RAPH1: variants seen among roughly 807,000 people sequenced by gnomAD.
RAPH1 encodes the protein Ras association (RalGDS/AF-6) and pleckstrin homology domains 1.
Under a neutral mutation model 88.1 loss-of-function variants are expected in RAPH1, and 18 were observed. The ratio of observed to expected loss-of-function variants is 0.20; its 90% CI spans 0.14 to 0.30. RAPH1 has a LOEUF of 0.30. Ranked by LOEUF, RAPH1 falls within the 10% of genes least tolerant of loss-of-function variation. The pLI is 1.00. For missense variants in RAPH1, 1,448 were observed against 1,543.2 expected, an observed-to-expected ratio of 0.94 and a Z score of 1.03; for synonymous variants, 587 against 559.0, an observed-to-expected ratio of 1.05 and a Z score of -0.71.
intron 4 of RAPH1, among the ~76,000 whole-genome samples, chr2:203,472,584 T>C (rs971470738): frequency 1.3e-5 from 2 of 152,244 alleles, no homozygotes; most frequent in African/African-American, 2.4e-5. Context: ...ACATGTAACA[T>C]GTATTTCAAG....
chr2:203,451,470 A>C (rs1039736343), intron 10 of RAPH1, among the ~76,000 whole-genome samples: 6 of 152,154 alleles, frequency 3.9e-5, no homozygotes, highest in African/African-American at 1.4e-4. Context: ...TGCCTTATTA[A>C]AATGTGCCCC....
chr2:203,462,681 A>T (rs1428011225), intron 4 of RAPH1, among the ~76,000 whole-genome samples: 1 of 152,216 alleles, frequency 6.6e-6, no homozygotes, highest in Non-Finnish European at 1.5e-5. Flanking sequence ...GATTAAAAAG[A>T]GTAATAAAAA....
intron 1 of RAPH1, among the ~76,000 whole-genome samples, chr2:203,524,608 T>C (rs1690034389): frequency 6.6e-6 from 1 of 152,124 alleles, no homozygotes; most frequent in Non-Finnish European, 1.5e-5. Flanking sequence ...CAAGCCAGAC[T>C]TGGGTGGGTT....
chr2:203,505,289 G>T (rs982691285), intron 1 of RAPH1, among the ~76,000 whole-genome samples: 3 of 152,150 alleles, frequency 2.0e-5, no homozygotes, highest in Admixed American at 6.5e-5. Context: ...CAGAATCATG[G>T]TGGGAGGCAA....
In RAPH1 at chr2:203,524,343, A is replaced by G. The variant is rs1236431392; in HGVS notation, c.-1+10768T>C. On this transcript the variant is annotated intron_variant, in intron 1 of 13. Coordinates refer to ENST00000319170, the MANE Select transcript of RAPH1 (RefSeq NM_213589.3). The stretch of plus-strand genomic sequence containing the variant: ...TATGCTGTTGGATATAAAATGATAC[A>G]ACTTTGGAAAAATTTGCCCACTTTA... 2.6e-5 allele frequency among the ~76,000 whole-genome samples: 4 copies of G among 152,318 alleles called. No homozygotes were observed. The East Asian group carries it at 5.8e-4, about 22-fold the overall frequency.
chr2:203,439,997 G>A lies in RAPH1; in HGVS notation c.3193C>T (p.Pro1065Ser). ...GRGKDSVVEFPSPPSDSDFPP... is the reference protein window; with the variant it reads ...GRGKDSVVEFSSPPSDSDFPP... Reference sequence around the variant, plus strand: ...AAATCAGAATCGGATGGAGGAGAAGGAAATTCCACCACGGAGTCCTTTCCA... The same window carrying A: ...AAATCAGAATCGGATGGAGGAGAAGAAAATTCCACCACGGAGTCCTTTCCA... The change falls in exon 14 of 14, where the codon CCT becomes TCT. Residue 1065 changes from proline (P) to serine (S), a missense_variant. This residue lies in a region of RAPH1 where 935 missense variants were observed against 890.1 expected (regional missense o/e 1.05). Coordinates refer to ENST00000319170, the MANE Select transcript of RAPH1 (RefSeq NM_213589.3). 6.2e-7 allele frequency: 1 copy of A among 1,613,678 alleles called. No individual in the cohort carries two copies. Among genetic ancestry groups the A allele is most frequent in the Non-Finnish European group, 8.5e-7 (1 of 1,179,964 alleles).
chr2:203,470,417 T>G, intron 4 of RAPH1: 2 of 639,234 alleles, frequency 3.1e-6, no homozygotes, highest in Non-Finnish European at 5.3e-6. Flanking sequence ...AATGATTCTC[T>G]ATAATTAATC....
At position 203,439,655 on chromosome 2, in the gene RAPH1, T is replaced by G. The variant is rs2098501462; in HGVS notation, c.3535A>C (p.Thr1179Pro). 1 of 1,613,808 alleles carries G rather than the reference T, an allele frequency of 6.2e-7. No individual in the cohort carries two copies. The highest frequency in any genetic ancestry group is 8.5e-7 in the Non-Finnish European group (1 of 1,179,968). Reference protein sequence around the residue: ...LNRTLQRKSITRHGSLSSRMS... With the variant: ...LNRTLQRKSIPRHGSLSSRMS... Reference sequence around the variant, plus strand: ...CGGGAGGAGAGTGAGCCGTGCCGAGTGATGGACTTTCGTTGCAGTGTCCTG... The same window carrying G: ...CGGGAGGAGAGTGAGCCGTGCCGAGGGATGGACTTTCGTTGCAGTGTCCTG... The change falls in exon 14 of 14, where the codon ACT becomes CCT. Residue 1179 changes from threonine (T) to proline (P), a missense_variant. Transcript: ENST00000319170.
At chr2:203,442,698 AGAGT>A (rs1396623178) in intron 13 of RAPH1, 1 of 152,274 alleles carries the variant, frequency 6.6e-6, no homozygotes, top group Non-Finnish European at 1.5e-5. Context: ...GAAGAAATAC[AGAGT>A]GATCAAGCCT....
intron 1 of RAPH1, among the ~76,000 whole-genome samples, chr2:203,532,814 T>C (rs1398139577): frequency 6.6e-6 from 1 of 152,178 alleles, no homozygotes; most frequent in African/African-American, 2.4e-5. Flanking sequence ...GGTAAAGGAA[T>C]TAAGAGTCCA....
In RAPH1 at chr2:203,441,255, AGGGGGT is replaced by A; in HGVS notation, c.1929_1934del (p.Pro647_Pro648del). ...CAGACTGGCTGGGGAGTGGGGGAGG[AGGGGGT>A]GGTGGAGGGGGTGGTGGAGGAGGAG... On this transcript the variant is annotated inframe_deletion, in exon 14 of 14. Transcript: ENST00000319170. 1 of 174,724 alleles carries A rather than the reference AGGGGGT, an allele frequency of 5.7e-6. No homozygotes were observed. The highest frequency in any genetic ancestry group is 8.0e-6 in the Non-Finnish European group (1 of 125,316). The allele number at this position is 174,724 out of a possible 1,614,324, so 10.8% of individuals were successfully genotyped here. A position where few individuals can be genotyped will look rare whatever the true frequency, so the allele number is the denominator to read the frequency against.
At chr2:203,527,980 T>C (rs970028460) in intron 1 of RAPH1, among the ~76,000 whole-genome samples, 10 of 152,128 alleles carry the variant, frequency 6.6e-5, no homozygotes, top group South Asian at 2.1e-4. Flanking sequence ...GATGTTGTTA[T>C]TGATGTTGTT....
At position 203,439,493 on chromosome 2, in the gene RAPH1, G is replaced by A; in HGVS notation, c.3697C>T (p.Pro1233Ser). The change falls in exon 14 of 14, where the codon CCC becomes TCC. Residue 1233 changes from proline to serine, a missense_variant. By Grantham distance (74) the Pro-to-Ser change is moderately conservative (BLOSUM62 -1). Around this residue, in one of 2 missense-constraint regions of RAPH1, gnomAD observed 935 missense variants for 890.1 expected, o/e 1.05. Coordinates refer to ENST00000319170, the MANE Select transcript of RAPH1 (RefSeq NM_213589.3). ...ISGYATLRRGPPPAPPKRDQN... is the reference protein window; with the variant it reads ...ISGYATLRRGSPPAPPKRDQN... ...TCTCTTTTGGGGGGAGCAGGAGGGG[G>A]TCCTCTCCGCAACGTTGCATAGCCT... 1 of 1,613,970 alleles carries A rather than the reference G, an allele frequency of 6.2e-7. No individual in the cohort carries two copies. Among genetic ancestry groups the A allele is most frequent in the South Asian group, 1.1e-5 (1 of 91,068 alleles).
At chr2:203,464,540 G>A (rs987152868) in intron 4 of RAPH1, among the ~76,000 whole-genome samples, 1 of 152,178 alleles carries the variant, frequency 6.6e-6, no homozygotes, top group East Asian at 1.9e-4. Flanking sequence ...CAAAGTGCTG[G>A]GATTACAGGC....
chr2:203,534,078 C>T (rs1690505066), intron 1 of RAPH1, among the ~76,000 whole-genome samples: 5 of 152,100 alleles, frequency 3.3e-5, no homozygotes, highest in Admixed American at 1.3e-4. Flanking sequence ...ATTTAATATC[C>T]CCATGGACTG....
At chr2:203,496,494 T>C (rs2105858742) in intron 1 of RAPH1, among the ~76,000 whole-genome samples, 1 of 152,320 alleles carries the variant, frequency 6.6e-6, no homozygotes, top group Middle Eastern at 3.4e-3. Context: ...TATTTCAATA[T>C]TAAAGGCCCT....
chr2:203,466,809 G>A (rs113030129), intron 4 of RAPH1, among the ~76,000 whole-genome samples: 24 of 152,208 alleles, frequency 1.6e-4, no homozygotes, highest in African/African-American at 4.8e-4. Flanking sequence ...TCAAATTTAC[G>A]TAAAGACAAA....
Position 203,439,513 on chromosome 2 carries a change from T to C in RAPH1, c.3677A>G (p.Tyr1226Cys), listed in dbSNP as rs545195956. Residue 1226 changes from tyrosine (Y) to cysteine (C), a missense_variant, in exon 14 of 14, where the codon TAT becomes TGT. By Grantham distance (194) the Tyr-to-Cys change is radical. This residue lies in a region of RAPH1 where 935 missense variants were observed against 890.1 expected (regional missense o/e 1.05). Transcript: ENST00000319170. ...AGGGGGTCCTCTCCGCAACGTTGCATAGCCTGATATATGACTGCCTCCGTA... is the reference window on the plus strand; with the variant it reads ...AGGGGGTCCTCTCCGCAACGTTGCACAGCCTGATATATGACTGCCTCCGTA... ...AGYGGSHISG[Y>C]ATLRRGPPPA... 3.7e-6 allele frequency: 6 copies of C among 1,614,102 alleles called. No homozygotes were observed. The South Asian group carries it at 4.4e-5, about 12-fold the overall frequency.
At chr2:203,444,356 C>T (rs1351041808) in intron 13 of RAPH1, 2 of 146,316 alleles carry the variant, frequency 1.4e-5, no homozygotes, top group Admixed American at 7.0e-5. Flanking sequence ...CGTTTGAACC[C>T]GGGAGGCGAA....
Sources: gnomAD v4.1 joint callset for allele counts (sites outside exome capture counted in the v4.1 genomes callset) on GRCh38, gnomAD v4.1.1 for gene constraint, gnomAD v4.1.1 regional missense constraint, MANE v1.5 for transcripts, NCBI Gene and HGNC (gene_info 2026-07-23, HGNC 2026-07-21) for gene names.